IL23R: variants seen among roughly 807,000 people sequenced by gnomAD.
IL23R encodes interleukin 23 receptor.
Under a neutral mutation model 56.9 loss-of-function variants are expected in IL23R, and 34 were observed. The observed-to-expected ratio is 0.60, with a 90% CI of 0.45 to 0.80. The LOEUF is 0.80. Among genes scored for constraint, IL23R ranks in the 30% least tolerant of loss-of-function variants. IL23R has a pLI of 0.00. For synonymous variants in IL23R, 230 were observed against 249.2 expected, an observed-to-expected ratio of 0.92 and a Z score of 0.73; for missense variants, 635 against 730.0, an observed-to-expected ratio of 0.87 and a Z score of 1.50.
At chr1:67,200,713 A>G (rs1648565639) in intron 4 of IL23R, 24 bp from the exon 5 acceptor site, 1 of 1,608,182 alleles carries the variant, frequency 6.2e-7, no homozygotes. Context: ...ACAATTTATG[A>G]TCATCTTTTT....
At chr1:67,144,353 A>G (rs1570751729) in intron 1 of IL23R, among the ~76,000 whole-genome samples, 1 of 152,224 alleles carries the variant, frequency 6.6e-6, no homozygotes, top group African/African-American at 2.4e-5. Flanking sequence ...TTCCTTCTAG[A>G]AACAGGAAGA....
At chr1:67,249,812 CT>C (rs1366147618) in intron 9 of IL23R, among the ~76,000 whole-genome samples, 1 of 152,090 alleles carries the variant, frequency 6.6e-6, no homozygotes, top group East Asian at 1.9e-4. Context: ...TGATATAATG[CT>C]TAACCAGTTT....
chr1:67,264,056 G>T (rs1653281575), downstream of IL23R, among the ~76,000 whole-genome samples: 1 of 152,184 alleles, frequency 6.6e-6, no homozygotes, highest in Non-Finnish European at 1.5e-5. Flanking sequence ...AGGAGACTGG[G>T]ATGCTGGACC....
rs1326898192 is a variant in IL23R, at chr1:67,207,000, T to G, written c.743T>G (p.Ile248Ser). ...ATTTATTGGGATAGTCAAACAACAA[T>G]TGAAAAGGTTTCCTGTGAAATGAGA... is the stretch of plus-strand genomic sequence containing the variant. The part of the protein sequence containing the change: ...TIIYWDSQTT[I>S]EKVSCEMRYK... The change falls in exon 6 of 11, where the codon ATT becomes AGT. Residue 248 changes from isoleucine (I) to serine (S), a missense_variant. Ile to Ser is a moderately radical substitution (Grantham distance 142). Coordinates refer to ENST00000347310, the MANE Select transcript of IL23R (RefSeq NM_144701.3). 4.4e-6 allele frequency: 7 copies of G among 1,600,188 alleles called. No homozygotes were observed. Among genetic ancestry groups the G allele is most frequent in the Non-Finnish European group, 5.1e-6 (6 of 1,172,666 alleles).
At chr1:67,178,487 A>G (rs372684752) in intron 3 of IL23R, among the ~76,000 whole-genome samples, 1 of 152,096 alleles carries the variant, frequency 6.6e-6, no homozygotes, top group South Asian at 2.1e-4. Context: ...AGACTTTGCT[A>G]AAGTTGCCTA....
At chr1:67,191,342 C>T (rs1421330630) in intron 4 of IL23R, among the ~76,000 whole-genome samples, 4 of 152,168 alleles carry the variant, frequency 2.6e-5, no homozygotes, top group Admixed American at 2.6e-4. Context: ...CATCTGTACC[C>T]ATATAGTTGA....
rs572136690 is a variant in IL23R at position 67,159,852 on chromosome 1, G to A, written c.-633-8240G>A. ...TATTAGGATGAGGCTAAAGCAGGTA[G>A]AGCTGTAGTAATCTGTACGACGCAT... On this transcript the variant is annotated intron_variant, in intron 1 of 10. Coordinates refer to the IL23R transcript ENST00000637002. 2.0e-5 allele frequency among the ~76,000 whole-genome samples: 3 copies of A among 152,306 alleles called. No homozygotes were observed. In the South Asian group the frequency reaches 6.2e-4, roughly 32 times the overall value.
At chr1:67,227,948 T>TTC (rs377215566) in intron 7 of IL23R, among the ~76,000 whole-genome samples, 3,654 of 15,802 alleles carry the variant, frequency 0.23, 415 homozygotes, top group East Asian at 0.51. Flanking sequence ...AGATCTTTCT[T>TTC]TCTTTCTTTC....
At chr1:67,254,614 G>A (rs1171394324) in intron 9 of IL23R, among the ~76,000 whole-genome samples, 1 of 151,978 alleles carries the variant, frequency 6.6e-6, no homozygotes, top group Non-Finnish European at 1.5e-5. Flanking sequence ...AAAGTCCAAG[G>A]TCAAATTGGG....
chr1:67,208,682 G>T (rs1241178841), intron 6 of IL23R, among the ~76,000 whole-genome samples: 1 of 152,238 alleles, frequency 6.6e-6, no homozygotes, highest in East Asian at 1.9e-4. Context: ...GGATGGCCAG[G>T]TGAAAGTTTG....
At chr1:67,189,844 A>G (rs1647615214) in intron 4 of IL23R, among the ~76,000 whole-genome samples, 1 of 152,266 alleles carries the variant, frequency 6.6e-6, no homozygotes, top group South Asian at 2.1e-4. Flanking sequence ...CTGGAGTCCA[A>G]GCTACTTGGG....
chr1:67,149,709 A>G (rs1439027545), intron 1 of IL23R, among the ~76,000 whole-genome samples: 1 of 152,130 alleles, frequency 6.6e-6, no homozygotes, highest in Non-Finnish European at 1.5e-5. Flanking sequence ...TCATTTTTCA[A>G]TCATTTCCCA....
At chr1:67,177,315 T>C (rs1003316029) in intron 3 of IL23R, among the ~76,000 whole-genome samples, 28 of 152,310 alleles carry the variant, frequency 1.8e-4, no homozygotes, top group African/African-American at 6.5e-4. Flanking sequence ...CCATTCTACC[T>C]GGTGTGAGAT....
chr1:67,201,658 G>T (rs1173116754), intron 5 of IL23R, among the ~76,000 whole-genome samples: 2 of 151,626 alleles, frequency 1.3e-5, no homozygotes, highest in Admixed American at 1.3e-4. Flanking sequence ...CACTACTTGG[G>T]GACTTATGTA....
chr1:67,233,813 G>A (rs545068897), intron 7 of IL23R, among the ~76,000 whole-genome samples: 15 of 151,014 alleles, frequency 9.9e-5, no homozygotes, highest in African/African-American at 2.7e-4. Flanking sequence ...CATTATGGAC[G>A]TAACACCACA....
chr1:67,185,341 AT>A (rs777741684), intron 4 of IL23R, among the ~76,000 whole-genome samples: 7 of 152,320 alleles, frequency 4.6e-5, no homozygotes, highest in Non-Finnish European at 1.0e-4. Flanking sequence ...CGCAGGGCAT[AT>A]TTAAGATATT....
chr1:67,146,848 T>C (rs1045940424), intron 1 of IL23R, among the ~76,000 whole-genome samples: 8 of 152,212 alleles, frequency 5.3e-5, no homozygotes, highest in Admixed American at 2.6e-4. Flanking sequence ...CTAACAGCTA[T>C]ACCCTTCTTC....
At chr1:67,237,173 G>T (rs1422107353) in intron 8 of IL23R, among the ~76,000 whole-genome samples, 2 of 152,150 alleles carry the variant, frequency 1.3e-5, no homozygotes, top group African/African-American at 4.8e-5. Context: ...CTTCTGAGTA[G>T]CTGGGATTAC....
intron 1 of IL23R, among the ~76,000 whole-genome samples, chr1:67,139,992 AC>A (rs1447062304): frequency 6.6e-6 from 1 of 152,016 alleles, no homozygotes; most frequent in East Asian, 1.9e-4. Context: ...AGCAAGCATA[AC>A]CCCCTCACCA....
Sources: gnomAD v4.1 joint callset for allele counts (sites outside exome capture counted in the v4.1 genomes callset) on GRCh38, gnomAD v4.1.1 for gene constraint, MANE v1.5 for transcripts, NCBI Gene and HGNC (gene_info 2026-07-23, HGNC 2026-07-21) for gene names.